Variants in KMT2B observed in about 807,000 individuals in gnomAD.
KMT2B encodes the protein histone-lysine N-methyltransferase 2B.
Under a neutral mutation model 255.3 loss-of-function variants are expected in KMT2B, and 22 were observed. That is an observed-to-expected ratio of 0.09 (90% CI 0.06 to 0.12). KMT2B has a LOEUF of 0.12. Ranked by LOEUF, KMT2B falls within the 10% of genes least tolerant of loss-of-function variation. The pLI, the probability that KMT2B is intolerant of heterozygous loss-of-function variation, is 1.00. For missense variants in KMT2B, 3,149 were observed against 3,737.0 expected, an observed-to-expected ratio of 0.84 and a Z score of 4.10; for synonymous variants, 1,730 against 1,498.1, an observed-to-expected ratio of 1.15 and a Z score of -3.57.
chr19:35,720,359 G>C lies in KMT2B; in HGVS notation c.1012G>C (p.Asp338His), dbSNP rs1188843496. The change falls in exon 3 of 37, where the codon GAT becomes CAT. Residue 338 changes from aspartate (D) to histidine (H), a missense_variant. Asp to His is a moderately conservative substitution (Grantham distance 81, BLOSUM62 -1). This residue lies in a region of KMT2B where 1,188 missense variants were observed against 1,106.4 expected (regional missense o/e 1.07). Coordinates refer to ENST00000420124, the MANE Select transcript of KMT2B (RefSeq NM_014727.3). ...GQGQHEESWQ[D>H]VPQRRVGSGQ... ...AGGTCAACATGAGGAAAGTTGGCAG[G>C]ATGTCCCCCAAAGAAGAGTTGGATC... 6.2e-7 allele frequency: 1 copy of C among 1,604,808 alleles called. No homozygotes were observed. Among genetic ancestry groups the C allele is most frequent in the Non-Finnish European group, 8.5e-7 (1 of 1,175,598 alleles).
Position 35,737,803 on chromosome 19 carries a change from G to A in KMT2B, c.7659-56G>A. ...TGGAAGGGTCTTAGAGAGTGAGCAG[G>A]GGTGAGAGAGGTCATTCTGAGCACC... On this transcript the variant is annotated intron_variant, in intron 34 of 36. Transcript: ENST00000420124. This position sits in a 1 kb window ranked among gnomAD's most constrained non-coding sequence, Gnocchi z 5.3. 2 of 1,548,176 alleles carry A rather than the reference G, an allele frequency of 1.3e-6. No individual in the cohort carries two copies. Among genetic ancestry groups the A allele is most frequent in the South Asian group, 2.4e-5 (2 of 84,214 alleles).
intron 26 of KMT2B, among the ~76,000 whole-genome samples, chr19:35,731,637 G>A (rs1969696499): frequency 6.6e-6 from 1 of 152,202 alleles, no homozygotes; most frequent in African/African-American, 2.4e-5. Flanking sequence ...AGGGAGGGCA[G>A]TTCCCCATGG....
At position 35,721,680 on chromosome 19, in the gene KMT2B, C is replaced by G; in HGVS notation, c.2333C>G (p.Ala778Gly). Residue 778 changes from alanine to glycine, a missense_variant, in exon 3 of 37, where the codon GCG becomes GGG. Physicochemically the swap from Ala to Gly is moderately conservative, Grantham distance 60 (BLOSUM62 0). This residue lies in a region of KMT2B where 1,188 missense variants were observed against 1,106.4 expected (regional missense o/e 1.07). Transcript: ENST00000420124. ...QMPPLEKARI[A>G]GVGSLPLSGV... ...CCTCCCCTGGAAAAAGCCCGGATTGCGGGCGTGGGTTCCTTGCCGCTGTCT... is the reference window on the plus strand; with the variant it reads ...CCTCCCCTGGAAAAAGCCCGGATTGGGGGCGTGGGTTCCTTGCCGCTGTCT... 1 of 1,611,136 alleles carries G rather than the reference C, an allele frequency of 6.2e-7. No homozygotes were observed. Among genetic ancestry groups the G allele is most frequent in the South Asian group, 1.1e-5 (1 of 90,842 alleles).
chr19:35,736,589 TA>T (rs1404012776), intron 30 of KMT2B, 100 bp from the exon 31 acceptor site: 6 of 1,407,478 alleles, frequency 4.3e-6, no homozygotes, highest in Non-Finnish European at 3.9e-6. Context: ...TGTCTGCGCC[TA>T]GGGGTGGAGA....
Position 35,720,140 on chromosome 19 carries a change from A to G in KMT2B, c.793A>G (p.Ser265Gly), listed in dbSNP as rs780773992. The G allele has an allele frequency of 6.3e-7, 1 of 1,599,828 alleles. No individual in the cohort carries two copies. The highest frequency in any genetic ancestry group is 1.1e-5 in the South Asian group (1 of 89,088). The part of the protein sequence containing the change: ...PVVPVKHQTG[S>G]WKCKEGPGPG... ...GGTTCCAGTGAAACATCAGACTGGC[A>G]GCTGGAAATGCAAGGAGGGGCCCGG... The change falls in exon 3 of 37, where the codon AGC becomes GGC. Residue 265 changes from serine to glycine, a missense_variant. Physicochemically the swap from Ser to Gly is moderately conservative, Grantham distance 56 (BLOSUM62 0). Transcript: ENST00000420124.
At chr19:35,728,404 C>T (rs902294043) in intron 19 of KMT2B, among the ~76,000 whole-genome samples, 1 of 152,124 alleles carries the variant, frequency 6.6e-6, no homozygotes, top group African/African-American at 2.4e-5. Context: ...TCAGATTGGG[C>T]TCTGCTTAAA....
Position 35,723,647 on chromosome 19 carries a change from C to G in KMT2B, c.3059-85C>G. 7.4e-7 allele frequency: 1 copy of G among 1,343,934 alleles called. No individual in the cohort carries two copies. The highest frequency in any genetic ancestry group is 2.6e-5 in the Admixed American group (1 of 38,804). The allele number at this position is 1,343,934 out of a possible 1,614,324, so 83.3% of individuals were successfully genotyped here. A position where few individuals can be genotyped will look rare whatever the true frequency, so the allele number is the denominator to read the frequency against. On this transcript the variant is annotated intron_variant, in intron 7 of 36. Transcript: ENST00000420124. The surrounding 1 kb of genome is among the most constrained non-coding windows in gnomAD (Gnocchi z 7.5). ...GCTTTCATAGCTCCTGCGTTCATTC[C>G]CTGCCCCGCTTCTTTCTGGCTTCTC...
At chr19:35,724,062 T>C in intron 8 of KMT2B, 55 bp downstream of exon 8, 1 of 1,495,322 alleles carries the variant, frequency 6.7e-7, no homozygotes, top group Non-Finnish European at 9.0e-7. Context: ...TTGTGTCTTT[T>C]GTGTAGGAGG....
In KMT2B at chr19:35,725,368, T is replaced by A; in HGVS notation, c.3642+35T>A. The stretch of plus-strand genomic sequence containing the variant: ...CTGCCTTTCTTCACAGACCCCCAGC[T>A]CTCTGTCGGTCCTCACGGCCTGATT... On this transcript the variant is annotated intron_variant, in intron 11 of 36. Coordinates refer to ENST00000420124, the MANE Select transcript of KMT2B (RefSeq NM_014727.3). This position sits in a 1 kb window ranked among gnomAD's most constrained non-coding sequence, Gnocchi z 4.1. The A allele has an allele frequency of 6.4e-7, 1 of 1,558,084 alleles. No individual in the cohort carries two copies. The highest frequency in any genetic ancestry group is 8.7e-7 in the Non-Finnish European group (1 of 1,150,352).
At position 35,733,148 on chromosome 19, in the gene KMT2B, T is replaced by C. The variant is rs749037541; in HGVS notation, c.6599T>C (p.Val2200Ala). Residue 2200 changes from valine to alanine, a missense_variant, in exon 28 of 37, where the codon GTA (valine) becomes GCA (alanine). This residue lies in a region of KMT2B where 897 missense variants were observed against 825.3 expected (regional missense o/e 1.09). Coordinates refer to ENST00000420124, the MANE Select transcript of KMT2B (RefSeq NM_014727.3). This position sits in a 1 kb window ranked among gnomAD's most constrained non-coding sequence, Gnocchi z 4.3. ...ATACTTGTCAACAAGCTGGGGCAAG[T>C]ATTTGTGAAGATGGCTGGGGAGGGT... ...KIILVNKLGQVFVKMAGEGEP... is the reference protein window; with the variant it reads ...KIILVNKLGQAFVKMAGEGEP... The C allele has an allele frequency of 9.5e-6, 15 of 1,583,290 alleles. No homozygotes were observed. Among genetic ancestry groups the C allele is most frequent in the Non-Finnish European group, 1.2e-5 (14 of 1,164,510 alleles).
Position 35,733,282 on chromosome 19 carries a change from G to T in KMT2B, c.6733G>T (p.Val2245Leu), listed in dbSNP as rs771130237. ...PPGPLLGVLP[V>L]VGVVRPAPPP... Reference sequence around the variant, plus strand: ...AGGCCCCCTCCTCGGCGTGCTGCCCGTGGTCGGAGTGGTCCGCCCTGCCCC... The same window carrying T: ...AGGCCCCCTCCTCGGCGTGCTGCCCTTGGTCGGAGTGGTCCGCCCTGCCCC... The change falls in exon 28 of 37, where the codon GTG (valine) becomes TTG (leucine). Residue 2245 changes from valine to leucine, a missense_variant. Coordinates refer to ENST00000420124, the MANE Select transcript of KMT2B (RefSeq NM_014727.3). The surrounding 1 kb of genome is among the most constrained non-coding windows in gnomAD (Gnocchi z 4.3). 2.1e-6 allele frequency: 3 copies of T among 1,450,126 alleles called. No individual in the cohort carries two copies. The highest frequency in any genetic ancestry group is 5.0e-5 in the East Asian group (2 of 39,972). The allele number at this position is 1,450,126 out of a possible 1,614,324, so 89.8% of individuals were successfully genotyped here. A position where few individuals can be genotyped will look rare whatever the true frequency, so the allele number is the denominator to read the frequency against.
Position 35,721,290 on chromosome 19 carries a change from G to A in KMT2B, c.1943G>A (p.Arg648Gln). The A allele has an allele frequency of 2.6e-6, 4 of 1,535,854 alleles. No homozygotes were observed. The highest frequency in any genetic ancestry group is 1.2e-5 in the South Asian group (1 of 83,608). Residue 648 changes from arginine to glutamine, a missense_variant, in exon 3 of 37, where the codon CGG (arginine) becomes CAG (glutamine). This residue lies in a region of KMT2B where 1,188 missense variants were observed against 1,106.4 expected (regional missense o/e 1.07). Transcript: ENST00000420124. Reference sequence around the variant, plus strand: ...TCCTCCCGGAGGCCCCTACTCCTTCGGGCCCCTCAGTTTACCCCAAGCGAA... The same window carrying A: ...TCCTCCCGGAGGCCCCTACTCCTTCAGGCCCCTCAGTTTACCCCAAGCGAA... Reference protein sequence around the residue: ...ATSSRRPLLLRAPQFTPSEAH... With the variant: ...ATSSRRPLLLQAPQFTPSEAH...
At position 35,738,827 on chromosome 19, in the gene KMT2B, G is replaced by C. The variant is rs1970024720; in HGVS notation, c.*270G>C. 4 of 511,764 alleles carry C rather than the reference G, an allele frequency of 7.8e-6. No individual in the cohort carries two copies. The highest frequency in any genetic ancestry group is 1.4e-5 in the Non-Finnish European group (4 of 290,472). 31.7% of individuals were successfully genotyped at this position (511,764 alleles called of 1,614,324 possible). ...TTTCTATGCACTTTTTTATTTAAGA[G>C]GTGGGGTCCCAGGTGGGAACCCCCC... On this transcript the variant is annotated 3_prime_UTR_variant, in exon 37 of 37. Transcript: ENST00000420124. This position sits in a 1 kb window ranked among gnomAD's most constrained non-coding sequence, Gnocchi z 8.7.
intron 5 of KMT2B, 94 bp downstream of exon 5, chr19:35,722,812 C>T: frequency 6.8e-7 from 1 of 1,481,006 alleles, no homozygotes; most frequent in Non-Finnish European, 9.0e-7. Context: ...GGAGCCAAGT[C>T]AGGTGCTCAG....
chr19:35,728,695 G>T, intron 19 of KMT2B, 79 bp from the exon 20 acceptor site: 4 of 1,053,702 alleles, frequency 3.8e-6, no homozygotes, highest in Non-Finnish European at 5.8e-6. Context: ...GTCATGGCGA[G>T]TTCAGGCTGG....
chr19:35,726,214 T>C, intron 13 of KMT2B, 22 bp from the exon 14 acceptor site: 1 of 1,595,202 alleles, frequency 6.3e-7, no homozygotes, highest in Non-Finnish European at 8.6e-7. Flanking sequence ...GGTTTTCCCC[T>C]AACATCGCCC....
chr19:35,726,406 G>T, intron 14 of KMT2B, 53 bp downstream of exon 14: 1 of 1,223,228 alleles, frequency 8.2e-7, no homozygotes, highest in East Asian at 2.3e-5. Context: ...GAATGGCCAG[G>T]CTCTTTTACA....
Position 35,725,009 on chromosome 19 carries a change from C to G in KMT2B, c.3450C>G (p.Pro1150=), listed in dbSNP as rs932454613. Residue 1150 remains proline (P), a synonymous_variant, in exon 10 of 37, where the codon CCC becomes CCG. Coordinates refer to ENST00000420124, the MANE Select transcript of KMT2B (RefSeq NM_014727.3). The surrounding 1 kb of genome is among the most constrained non-coding windows in gnomAD (Gnocchi z 4.1). ...RLDKDALAPG[P]FASFPNGWTG... is the part of the protein sequence containing the mutation. ...CCCAGGATGCTTTGGCCCCTGGCCC[C>G]TTTGCTTCTTTTCCCAATGGCTGGA... is the stretch of plus-strand genomic sequence containing the variant. 1 of 1,613,454 alleles carries G rather than the reference C, an allele frequency of 6.2e-7. No individual in the cohort carries two copies. The highest frequency in any genetic ancestry group is 1.3e-5 in the African/African-American group (1 of 75,040).
At position 35,733,260 on chromosome 19, in the gene KMT2B, C is replaced by A. The variant is rs112013670; in HGVS notation, c.6711C>A (p.Gly2237=). 0.1 allele frequency: 147,156 copies of A among 1,470,316 alleles called. 8,034 individuals carry two copies. Among genetic ancestry groups the A allele is most frequent in the South Asian group, 0.11 (9,266 of 80,904 alleles). 91.1% of individuals were successfully genotyped at this position (1,470,316 alleles called of 1,614,324 possible). A position where few individuals can be genotyped will look rare whatever the true frequency, so the allele number is the denominator to read the frequency against. ...CCACCTCCTGGACTCTGCCCCCAGG[C>A]CCCCTCCTCGGCGTGCTGCCCGTGG... ...TAPTSWTLPP[G]PLLGVLPVVG... The change falls in exon 28 of 37, where the codon GGC becomes GGA. Residue 2237 remains glycine (G), a synonymous_variant. Transcript: ENST00000420124. This position sits in a 1 kb window ranked among gnomAD's most constrained non-coding sequence, Gnocchi z 4.3.
Sources: gnomAD v4.1 joint callset for allele counts (sites outside exome capture counted in the v4.1 genomes callset) on GRCh38, gnomAD v4.1.1 for gene constraint, gnomAD v4.1.1 regional missense constraint, Gnocchi (gnomAD v3.1) non-coding constraint, MANE v1.5 for transcripts, NCBI Gene and HGNC (gene_info 2026-07-23, HGNC 2026-07-21) for gene names.